RAD54B: variants seen among roughly 807,000 people sequenced by gnomAD.
RAD54B encodes DNA repair and recombination protein RAD54B.
In RAD54B, 78 loss-of-function variants were observed where a neutral mutation model predicts 95.8. The ratio of observed to expected loss-of-function variants is 0.81; its 90% CI spans 0.68 to 0.98. RAD54B has a LOEUF of 0.98. RAD54B is among the 50% of genes least tolerant of loss of function. The pLI is 0.00. For missense variants in RAD54B, 957 were observed against 1,056.6 expected (o/e 0.91, Z 1.31); for synonymous variants, 328 against 354.9 (o/e 0.92, Z 0.85).
At chr8:94,374,074 T>C (rs1027249424) in intron 14 of RAD54B, among the ~76,000 whole-genome samples, 2 of 152,078 alleles carry the variant, frequency 1.3e-5, no homozygotes, top group African/African-American at 2.4e-5. Context: ...GGTCAGGTGA[T>C]CGAGACCATC....
chr8:94,471,235 A>C (rs1813164454), intron 1 of RAD54B, among the ~76,000 whole-genome samples: 1 of 144,092 alleles, frequency 6.9e-6, no homozygotes, highest in Non-Finnish European at 1.5e-5. Context: ...GAGGTTCAGT[A>C]TTTGTTATGT....
chr8:94,392,764 ATTT>A (rs34856809), intron 9 of RAD54B, among the ~76,000 whole-genome samples: 20 of 72,600 alleles, frequency 2.8e-4, no homozygotes, highest in Admixed American at 2.1e-3. Context: ...CACCTGGCTG[ATTT>A]TTTTTTTTTT....
chr8:94,431,957 C>T, intron 3 of RAD54B: 1 of 1,285,744 alleles, frequency 7.8e-7, no homozygotes, highest in Non-Finnish European at 9.9e-7. Flanking sequence ...GCCAACCAAC[C>T]AGTAAATTTT....
At chr8:94,432,076 T>G in intron 3 of RAD54B, 1 of 1,484,330 alleles carries the variant, frequency 6.7e-7, no homozygotes. Context: ...TATTCCCAAA[T>G]TAAAGTAATT....
chr8:94,440,443 G>A (rs1812371870), intron 3 of RAD54B, among the ~76,000 whole-genome samples: 1 of 152,164 alleles, frequency 6.6e-6, no homozygotes, highest in South Asian at 2.1e-4. Context: ...CTATGAAAAG[G>A]TATCATGGAT....
intron 3 of RAD54B, 93 bp from the exon 4 acceptor site, chr8:94,411,408 T>G: frequency 1.1e-6 from 1 of 902,550 alleles, no homozygotes; most frequent in Non-Finnish European, 1.6e-6. Context: ...ACAAGAAAAT[T>G]AGATTATATT....
At chr8:94,434,349 GA>G (rs745455323) in intron 3 of RAD54B, among the ~76,000 whole-genome samples, 1 of 151,396 alleles carries the variant, frequency 6.6e-6, no homozygotes, top group East Asian at 1.9e-4. Context: ...TAAAAAGGGA[GA>G]AAAAAAGCTT....
intron 2 of RAD54B, among the ~76,000 whole-genome samples, chr8:94,461,308 G>C (rs71532316): frequency 4.0e-5 from 6 of 151,172 alleles, no homozygotes; most frequent in African/African-American, 1.5e-4. Flanking sequence ...GAGTAGCTGA[G>C]ATTACAGGCA....
intron 1 of RAD54B, among the ~76,000 whole-genome samples, chr8:94,468,507 C>T (rs945686974): frequency 2.0e-5 from 3 of 149,072 alleles, no homozygotes; most frequent in Non-Finnish European, 4.5e-5. Context: ...CTAGGAGCTT[C>T]GTCTCTATTA....
At position 94,391,608 on chromosome 8, in the gene RAD54B, C is replaced by G; in HGVS notation, c.1809+1G>C. 1.2e-6 allele frequency: 2 copies of G among 1,612,776 alleles called. No homozygotes were observed. The highest frequency in any genetic ancestry group is 1.1e-5 in the South Asian group (1 of 90,902). ...CACAGTTTCAGATACTATGCACTTA[C>G]CTTTATAGAGTTGAACAAAAGGCAG... On this transcript the variant is annotated splice_donor_variant, in intron 10 of 14. Coordinates refer to ENST00000336148, the MANE Select transcript of RAD54B (RefSeq NM_012415.3). LOFTEE classifies it high-confidence loss of function.
In RAD54B at chr8:94,422,620, A is replaced by AAT. The variant is rs1811845014; in HGVS notation, c.305-11306_305-11305insAT. On this transcript the variant is annotated intron_variant, in intron 3 of 14. Transcript: ENST00000336148. ...AAAAAAAAAAAAAAAAAAAAAAAAT[A>AAT]TATATATATATATATATATATATAT... is the stretch of plus-strand genomic sequence containing the variant. Among the ~76,000 whole-genome samples the AAT allele has an allele frequency of 1.4e-4, 6 of 42,336 alleles. 1 individual carries two copies. Among genetic ancestry groups the AAT allele is most frequent in the Admixed American group, 5.0e-4 (2 of 4,036 alleles). 27.8% of individuals were successfully genotyped at this position (42,336 alleles called of 152,430 possible).
intron 3 of RAD54B, among the ~76,000 whole-genome samples, chr8:94,439,179 G>T (rs1443905947): frequency 6.6e-6 from 1 of 152,142 alleles, no homozygotes; most frequent in African/African-American, 2.4e-5. Flanking sequence ...AGTGTAAAAT[G>T]ACATTTTGGA....
intron 10 of RAD54B, among the ~76,000 whole-genome samples, chr8:94,390,177 T>A (rs1810982481): frequency 6.6e-6 from 1 of 151,688 alleles, no homozygotes; most frequent in Admixed American, 6.6e-5. Context: ...CCATCTCTAT[T>A]TTTTAAAAAA....
At chr8:94,378,532 A>G (rs770144815) in intron 13 of RAD54B, 36 bp downstream of exon 13, 1 of 1,529,246 alleles carries the variant, frequency 6.5e-7, no homozygotes, top group East Asian at 2.2e-5. Context: ...AATTATTCAA[A>G]GAGTATACAT....
At chr8:94,461,790 C>T (rs947345636) in intron 2 of RAD54B, among the ~76,000 whole-genome samples, 1 of 152,156 alleles carries the variant, frequency 6.6e-6, no homozygotes, top group African/African-American at 2.4e-5. Flanking sequence ...GCTCCTTCGC[C>T]TCTAAATACT....
At chr8:94,442,444 A>ATG (rs1812421955) in intron 3 of RAD54B, among the ~76,000 whole-genome samples, 2 of 151,932 alleles carry the variant, frequency 1.3e-5, no homozygotes, top group Admixed American at 6.6e-5. Context: ...GCGTGGTGGC[A>ATG]GGCGCCTGTA....
At chr8:94,427,125 C>T (rs1811961726) in intron 3 of RAD54B, among the ~76,000 whole-genome samples, 1 of 151,944 alleles carries the variant, frequency 6.6e-6, no homozygotes, top group African/African-American at 2.4e-5. Flanking sequence ...AACTTTGTAA[C>T]AGAGGTGAAT....
chr8:94,405,990 C>T (rs959218455), intron 5 of RAD54B, among the ~76,000 whole-genome samples: 5 of 122,666 alleles, frequency 4.1e-5, no homozygotes, highest in African/African-American at 1.4e-4. Flanking sequence ...TTACTATTTA[C>T]CTGAAGTGCT....
At position 94,443,549 on chromosome 8, in the gene RAD54B, G is replaced by A. The variant is rs1047901912; in HGVS notation, c.304+14719C>T. 4.0e-5 allele frequency among the ~76,000 whole-genome samples: 6 copies of A among 150,992 alleles called. No individual in the cohort carries two copies. The East Asian group carries it at 7.7e-4, about 19-fold the overall frequency. On this transcript the variant is annotated intron_variant, in intron 3 of 14. Transcript: ENST00000336148. ...TCAAAAAAAAAAAAATCACTCCTTC[G>A]GCTAACCCGAGATGGATGCATAACT...
Sources: allele counts gnomAD v4.1 joint callset (sites outside exome capture counted in the v4.1 genomes callset), GRCh38; gene constraint gnomAD v4.1.1; transcripts MANE v1.5; gene names NCBI Gene and HGNC (gene_info 2026-07-23, HGNC 2026-07-21).